The following DST variants were observed in gnomAD, a reference collection of about 807,000 sequenced individuals.
DST encodes dystonin.
In DST, 253 loss-of-function variants were observed where a neutral mutation model predicts 875.2. The observed-to-expected ratio is 0.29, with a 90% CI of 0.26 to 0.32. The LOEUF (loss-of-function observed/expected upper bound fraction) is 0.32. DST is among the 10% of genes least tolerant of loss of function. The pLI is 1.00. For synonymous variants in DST, 3,124 were observed against 3,197.1 expected, an observed-to-expected ratio of 0.98 and a Z score of 0.77; for missense variants, 8,287 against 9,111.6, an observed-to-expected ratio of 0.91 and a Z score of 3.68.
Position 56,508,762 on chromosome 6 carries a change from A to C in DST, c.19013-7T>G. 1 of 1,603,178 alleles carries C rather than the reference A, an allele frequency of 6.2e-7. No individual in the cohort carries two copies. Among genetic ancestry groups the C allele is most frequent in the Non-Finnish European group, 8.5e-7 (1 of 1,172,312 alleles). Reference sequence around the variant, plus strand: ...TCAAGCTTATCCTGAACAGCTATGAAGCAAAACAATATCCACAAGGCGACT... The same window carrying C: ...TCAAGCTTATCCTGAACAGCTATGACGCAAAACAATATCCACAAGGCGACT... On this transcript the variant is annotated splice_region_variant and splice_polypyrimidine_tract_variant and intron_variant, in intron 74 of 103. Coordinates refer to ENST00000680361, the MANE Select transcript of DST (RefSeq NM_001374736.1).
chr6:56,634,008 AT>A, intron 27 of DST, 123 bp downstream of exon 27: 1 of 1,148,812 alleles, frequency 8.7e-7, no homozygotes, highest in Non-Finnish European at 1.3e-6. Flanking sequence ...CATTGAATAA[AT>A]GAATATTAGC....
chr6:56,900,529 G>C lies in DST; in HGVS notation c.309C>G (p.His103Gln), dbSNP rs541047778. ...LEEVKPVVEV[H>Q]HQSEQETSVR... is the part of the protein sequence containing the mutation. ...CTGAAGTTTCTTGCTCACTCTGATG[G>C]TGAACTTCCACCACGGGCTTCACTT... The change falls in exon 3 of 104, where the codon CAC becomes CAG. Residue 103 changes from histidine to glutamine, a missense_variant. Physicochemically the swap from His to Gln is conservative, Grantham distance 24. Coordinates refer to ENST00000680361, the MANE Select transcript of DST (RefSeq NM_001374736.1). The C allele has an allele frequency of 4.4e-6, 6 of 1,367,580 alleles. No individual in the cohort carries two copies. In the African/African-American group the frequency reaches 5.9e-5, roughly 13 times the overall value. 84.7% of individuals were successfully genotyped at this position (1,367,580 alleles called of 1,614,324 possible).
At chr6:56,720,660 C>T (rs768902031) in intron 5 of DST, among the ~76,000 whole-genome samples, 1 of 152,064 alleles carries the variant, frequency 6.6e-6, no homozygotes, top group Non-Finnish European at 1.5e-5. Context: ...TCAGAGAGCA[C>T]GGGGTTGGGG....
intron 5 of DST, among the ~76,000 whole-genome samples, chr6:56,722,362 A>AAGTT (rs2099420887): frequency 1.4e-5 from 2 of 146,380 alleles, no homozygotes; most frequent in Non-Finnish European, 3.0e-5. Flanking sequence ...AAAGTAGTAC[A>AAGTT]TGTTTGTTTA....
At chr6:56,728,326 T>C (rs908633134) in intron 5 of DST, among the ~76,000 whole-genome samples, 3 of 152,234 alleles carry the variant, frequency 2.0e-5, no homozygotes, top group African/African-American at 7.2e-5. Flanking sequence ...TTTTCCATTC[T>C]ATATAAATAA....
intron 4 of DST, among the ~76,000 whole-genome samples, chr6:56,835,045 G>A (rs1293981841): frequency 2.0e-5 from 3 of 152,182 alleles, no homozygotes; most frequent in Non-Finnish European, 4.4e-5. Flanking sequence ...GAAAAGACAT[G>A]GAGGAACTTT....
At position 56,726,952 on chromosome 6, in the gene DST, A is replaced by G. The variant is rs185556364; in HGVS notation, c.687+8276T>C. On this transcript the variant is annotated intron_variant, in intron 5 of 103. Transcript: ENST00000680361. The stretch of plus-strand genomic sequence containing the variant: ...TATGCAGCTTTGAGTCTAGTTTTGA[A>G]TAACAAACCAAGTCTAGTGCTTTAA... 7.1e-4 allele frequency among the ~76,000 whole-genome samples: 108 copies of G among 152,316 alleles called. No homozygotes were observed. In the East Asian group the frequency reaches 0.017, roughly 25 times the overall value.
Position 56,843,489 on chromosome 6 carries a change from G to A in DST, c.625+7908C>T, listed in dbSNP as rs1167089400. The A allele has an allele frequency of 4.0e-6, 4 of 989,886 alleles. No individual in the cohort carries two copies. The African/African-American group carries it at 5.2e-5, about 13-fold the overall frequency. 61.3% of individuals were successfully genotyped at this position (989,886 alleles called of 1,614,324 possible). A position where few individuals can be genotyped will look rare whatever the true frequency, so the allele number is the denominator to read the frequency against. ...CGGAGGAGCGGGGCGTGCGGCGAGG[G>A]CGGGCGGGGGCCGGCGGGCGCCCGG... On this transcript the variant is annotated intron_variant, in intron 4 of 103. Coordinates refer to ENST00000680361, the MANE Select transcript of DST (RefSeq NM_001374736.1).
At position 56,630,248 on chromosome 6, in the gene DST, T is replaced by C. The variant is rs750859523; in HGVS notation, c.4278A>G (p.Leu1426=). 6.3e-7 allele frequency: 1 copy of C among 1,588,052 alleles called. No individual in the cohort carries two copies. The highest frequency in any genetic ancestry group is 1.7e-5 in the Admixed American group (1 of 59,968). Reference sequence around the variant, plus strand: ...TATCCAAAAGTGAGTCTCATACCTTTAAAGTACTTATTAGATTCTCAATAT... The same window carrying C: ...TATCCAAAAGTGAGTCTCATACCTTCAAAGTACTTATTAGATTCTCAATAT... The part of the protein sequence containing the change: ...KNNIENLIST[L]KQWRSEVDEK... Residue 1426 remains leucine, a synonymous_variant, in exon 31 of 104, where the codon TTA becomes TTG. Transcript: ENST00000680361.
At chr6:56,829,162 G>C (rs1312736782) in intron 4 of DST, among the ~76,000 whole-genome samples, 2 of 152,174 alleles carry the variant, frequency 1.3e-5, no homozygotes, top group Admixed American at 1.3e-4. Context: ...ACAACATTTA[G>C]GCCTTTCCTG....
At chr6:56,676,577 T>C (rs2099131342) in intron 9 of DST, among the ~76,000 whole-genome samples, 1 of 152,110 alleles carries the variant, frequency 6.6e-6, no homozygotes, top group Non-Finnish European at 1.5e-5. Flanking sequence ...TACACTCCCA[T>C]GTATAATGCA....
rs2094179460 is a variant in DST at position 56,458,789 on chromosome 6, C to T, written c.*216G>A. The T allele has an allele frequency of 2.1e-6, 1 of 473,224 alleles. No individual in the cohort carries two copies. The highest frequency in any genetic ancestry group is 2.0e-5 in the African/African-American group (1 of 51,116). 29.3% of individuals were successfully genotyped at this position (473,224 alleles called of 1,614,324 possible). A position where few individuals can be genotyped will look rare whatever the true frequency, so the allele number is the denominator to read the frequency against. Reference sequence around the variant, plus strand: ...TGCAGAAATGTTAGTTCATGTTAAACTTTTCCTCCTCACATATGATGTGAC... The same window carrying T: ...TGCAGAAATGTTAGTTCATGTTAAATTTTTCCTCCTCACATATGATGTGAC... On this transcript the variant is annotated 3_prime_UTR_variant, in exon 104 of 104. Transcript: ENST00000680361.
chr6:56,567,691 C>T (rs1241923137), intron 55 of DST, among the ~76,000 whole-genome samples: 2 of 152,048 alleles, frequency 1.3e-5, no homozygotes, highest in African/African-American at 2.4e-5. Context: ...CTGAGAAGGG[C>T]CCAGCTGGAA....
At chr6:56,616,133 T>C (rs1309328416) in intron 36 of DST, 4 of 1,614,192 alleles carry the variant, frequency 2.5e-6, no homozygotes, top group Admixed American at 3.3e-5. Flanking sequence ...AACAGGACTG[T>C]GCAAATCTTT....
chr6:56,606,636 C>T lies in DST; in HGVS notation c.7992G>A (p.Glu2664=), dbSNP rs2098500830. The change falls in exon 40 of 104, where the codon GAG becomes GAA. Residue 2664 remains glutamate, a synonymous_variant. Coordinates refer to ENST00000680361, the MANE Select transcript of DST (RefSeq NM_001374736.1). ...PADVFYDVSK[E]NENSMVPQGA... ...CCTGGGGAACCATGGAATTTTCATTCTCTTTTGAGACATCATAAAAAACAT... is the reference window on the plus strand; with the variant it reads ...CCTGGGGAACCATGGAATTTTCATTTTCTTTTGAGACATCATAAAAAACAT... 1.9e-6 allele frequency: 3 copies of T among 1,613,610 alleles called. No individual in the cohort carries two copies. The highest frequency in any genetic ancestry group is 2.5e-6 in the Non-Finnish European group (3 of 1,179,634).
intron 58 of DST, among the ~76,000 whole-genome samples, chr6:56,557,938 C>T (rs545423492): frequency 6.6e-6 from 1 of 152,204 alleles, no homozygotes; most frequent in Non-Finnish European, 1.5e-5. Flanking sequence ...CCCAATTATT[C>T]TTTCCCATTC....
intron 9 of DST, among the ~76,000 whole-genome samples, chr6:56,699,195 A>C (rs2099279511): frequency 6.6e-6 from 1 of 152,266 alleles, no homozygotes; most frequent in African/African-American, 2.4e-5. Flanking sequence ...ACAGCTCTGC[A>C]TAAAACATGA....
chr6:56,598,144 C>T, intron 46 of DST, 138 bp from the exon 47 acceptor site: 1 of 871,830 alleles, frequency 1.1e-6, no homozygotes. Context: ...AACTTAACAA[C>T]TGAAATTAAA....
At chr6:56,599,314 T>C (rs879170520) in intron 45 of DST, among the ~76,000 whole-genome samples, 1 of 152,110 alleles carries the variant, frequency 6.6e-6, no homozygotes, top group Non-Finnish European at 1.5e-5. Context: ...TCATTCTCTA[T>C]ATGATACTGA....
Sources: allele counts gnomAD v4.1 joint callset (sites outside exome capture counted in the v4.1 genomes callset), GRCh38; gene constraint gnomAD v4.1.1; transcripts MANE v1.5; gene names NCBI Gene and HGNC (gene_info 2026-07-23, HGNC 2026-07-21).